Variants in DAB1 observed in about 807,000 individuals in gnomAD.
DAB1 encodes the protein DAB adaptor protein 1, also known as disabled homolog 1.
Under a neutral mutation model 64.6 loss-of-function variants are expected in DAB1, and 15 were observed. That is an observed-to-expected ratio of 0.23 (90% CI 0.16 to 0.36). DAB1 has a LOEUF of 0.36. Ranked by LOEUF, DAB1 falls within the 10% of genes least tolerant of loss-of-function variation. DAB1 has a pLI of 1.00. For synonymous variants in DAB1, 235 were observed against 251.9 expected (o/e 0.93, Z 0.64); for missense variants, 596 against 706.7 (o/e 0.84, Z 1.78).
intron 2 of DAB1, among the ~76,000 whole-genome samples, chr1:57,281,116 T>G (rs571212247): frequency 1.6e-3 from 251 of 152,340 alleles, no homozygotes; most frequent in Middle Eastern, 6.8e-3. Context: ...GCTGCATACC[T>G]ACACTTTTCA....
chr1:58,249,793 A>G (rs1660717047), intron 4 of DAB1, among the ~76,000 whole-genome samples: 1 of 151,924 alleles, frequency 6.6e-6, no homozygotes. Flanking sequence ...GTCTCGGGGG[A>G]TTCCGCTTGG....
At chr1:57,691,335 C>T (rs1420404849) in intron 6 of DAB1, among the ~76,000 whole-genome samples, 3 of 152,122 alleles carry the variant, frequency 2.0e-5, no homozygotes, top group African/African-American at 4.8e-5. Flanking sequence ...AGCTAAAGGA[C>T]TGTAAACACA....
At chr1:58,181,042 G>A (rs915088507) in intron 4 of DAB1, among the ~76,000 whole-genome samples, 9 of 151,924 alleles carry the variant, frequency 5.9e-5, no homozygotes, top group Non-Finnish European at 1.0e-4. Flanking sequence ...CTTTCTAGTT[G>A]GCCTATCAAT....
chr1:58,367,123 C>G (rs1012022681), intron 3 of DAB1, among the ~76,000 whole-genome samples: 2 of 152,102 alleles, frequency 1.3e-5, no homozygotes, highest in Non-Finnish European at 2.9e-5. Flanking sequence ...ATTATTCAGA[C>G]AGTTAATATG....
chr1:58,464,059 G>A (rs760284607), intron 3 of DAB1, among the ~76,000 whole-genome samples: 1 of 152,262 alleles, frequency 6.6e-6, no homozygotes, highest in Non-Finnish European at 1.5e-5. Flanking sequence ...AGCCTGGGCT[G>A]TAAGGAGGAC....
intron 4 of DAB1, among the ~76,000 whole-genome samples, chr1:58,193,683 C>G (rs6666175): frequency 0.089 from 13,537 of 152,050 alleles, 795 homozygotes; most frequent in Non-Finnish European, 0.14. Context: ...TGGTGAAACC[C>G]CATCTCTACT....
chr1:57,428,886 G>T (rs950997483), upstream of DAB1, among the ~76,000 whole-genome samples: 22 of 141,886 alleles, frequency 1.6e-4, no homozygotes, highest in African/African-American at 5.1e-4. Flanking sequence ...CTGTTTGTTT[G>T]TTTTGATTTT....
At position 56,997,173 on chromosome 1, in the gene DAB1, G is replaced by A. The variant is rs534470640; in HGVS notation, c.*971C>T. ...AATGACTTTTCTTTGAAAATGGCAC[G>A]TGGAGAAGACACTTGTCTGCATAGC... On this transcript the variant is annotated 3_prime_UTR_variant, in exon 15 of 15. Coordinates refer to ENST00000371236, the MANE Select transcript of DAB1 (RefSeq NM_001365792.1). The A allele has an allele frequency of 3.9e-5, 6 of 152,272 alleles. No individual in the cohort carries two copies. Among genetic ancestry groups the A allele is most frequent in the East Asian group, 1.9e-4 (1 of 5,182 alleles). The allele number at this position is 152,272 out of a possible 1,614,324, so 9.4% of individuals were successfully genotyped here.
intron 5 of DAB1, among the ~76,000 whole-genome samples, chr1:57,964,923 G>C (rs1258731596): frequency 6.6e-6 from 1 of 150,668 alleles, no homozygotes; most frequent in Non-Finnish European, 1.5e-5. Context: ...TTATTTGCTG[G>C]GGGAATATTG....
At chr1:57,863,353 A>G (rs894426351) in intron 1 of DAB1, 1 of 152,126 alleles carries the variant, frequency 6.6e-6, no homozygotes, top group Non-Finnish European at 1.5e-5. Flanking sequence ...ATGATTTTAA[A>G]TGTAGTGATG....
At chr1:57,028,927 A>G (rs986541312) in intron 9 of DAB1, among the ~76,000 whole-genome samples, 1 of 152,196 alleles carries the variant, frequency 6.6e-6, no homozygotes, top group African/African-American at 2.4e-5. Flanking sequence ...TGATAGAAAA[A>G]AAAAATTTCT....
chr1:58,325,626 T>C (rs1662805139), intron 4 of DAB1, among the ~76,000 whole-genome samples: 1 of 152,112 alleles, frequency 6.6e-6, no homozygotes, highest in African/African-American at 2.4e-5. Flanking sequence ...AGTTTTCTCA[T>C]TAAGAAAAAA....
chr1:57,014,511 GCAAA>G (rs1356902576), intron 12 of DAB1, among the ~76,000 whole-genome samples: 2 of 152,166 alleles, frequency 1.3e-5, no homozygotes, highest in Non-Finnish European at 2.9e-5. Context: ...GAATGAATGA[GCAAA>G]CAAACAAAAT....
chr1:57,068,672 CA>C (rs1240935922), intron 8 of DAB1, among the ~76,000 whole-genome samples: 8 of 152,138 alleles, frequency 5.3e-5, no homozygotes, highest in African/African-American at 1.9e-4. Context: ...GGCAGTTACA[CA>C]GACACTTTGG....
At chr1:58,263,764 G>T (rs1165177309) in intron 4 of DAB1, among the ~76,000 whole-genome samples, 1 of 152,126 alleles carries the variant, frequency 6.6e-6, no homozygotes, top group African/African-American at 2.4e-5. Flanking sequence ...GTAAAATGGT[G>T]GTAACAATAC....
intron 1 of DAB1, among the ~76,000 whole-genome samples, chr1:57,859,094 A>C (rs1241604057): frequency 6.6e-6 from 1 of 151,724 alleles, no homozygotes; most frequent in African/African-American, 2.4e-5. Flanking sequence ...ATGAGAACAG[A>C]ACTTCCCTAA....
At chr1:57,801,769 G>A (rs924819229) in intron 6 of DAB1, among the ~76,000 whole-genome samples, 19 of 151,608 alleles carry the variant, frequency 1.3e-4, no homozygotes, top group African/African-American at 3.4e-4. Context: ...GCGATCCTCC[G>A]GCCTTAGTCC....
intron 3 of DAB1, among the ~76,000 whole-genome samples, chr1:58,477,366 CTTGT>C (rs778089965): frequency 1.2e-3 from 186 of 152,312 alleles, no homozygotes; most frequent in African/African-American, 3.9e-3. Flanking sequence ...AAGGAATCAT[CTTGT>C]TTATTTGCCT....
chr1:57,312,074 G>C (rs117724835), intron 1 of DAB1, among the ~76,000 whole-genome samples: 1 of 152,168 alleles, frequency 6.6e-6, no homozygotes, highest in Non-Finnish European at 1.5e-5. Flanking sequence ...ACTGACTGTT[G>C]TTACTCTCTG....
Sources: gnomAD v4.1 joint callset for allele counts (sites outside exome capture counted in the v4.1 genomes callset) on GRCh38, gnomAD v4.1.1 for gene constraint, MANE v1.5 for transcripts, NCBI Gene and HGNC (gene_info 2026-07-23, HGNC 2026-07-21) for gene names.